The following TCF3 variants were observed in gnomAD, a reference collection of about 807,000 sequenced individuals.
TCF3 encodes transcription factor 3.
In TCF3, 54 loss-of-function variants were observed where a neutral mutation model predicts 72.3. That is an observed-to-expected ratio of 0.75 (90% CI 0.60 to 0.94). The LOEUF (loss-of-function observed/expected upper bound fraction) is 0.94. Among genes scored for constraint, TCF3 ranks in the 40% least tolerant of loss-of-function variants. The pLI, the probability that TCF3 is intolerant of heterozygous loss-of-function variation, is 0.00. For missense variants in TCF3, 1,078 were observed against 934.4 expected (o/e 1.15, Z -2.00); for synonymous variants, 525 against 412.6 (o/e 1.27, Z -3.30).
Position 1,621,974 on chromosome 19 carries a change from G to C in TCF3, c.823-4C>G, listed in dbSNP as rs2062283824. ...CTGCTCCATGCAGCTGGTAGCCCTG[G>C]GGGGTCAGGCAGGAGGAGGGTGGGT... is the stretch of plus-strand genomic sequence containing the variant. On this transcript the variant is annotated splice_region_variant and splice_polypyrimidine_tract_variant and intron_variant, in intron 10 of 18. Transcript: ENST00000262965. 1 of 1,604,612 alleles carries C rather than the reference G, an allele frequency of 6.2e-7. No homozygotes were observed. The highest frequency in any genetic ancestry group is 1.1e-5 in the South Asian group (1 of 89,724).
At chr19:1,629,882 G>A (rs1166702489) in intron 5 of TCF3, among the ~76,000 whole-genome samples, 2 of 152,180 alleles carry the variant, frequency 1.3e-5, no homozygotes, top group African/African-American at 4.8e-5. Context: ...TCATCTTGGT[G>A]ACCCGGGGGG....
At chr19:1,632,956 G>A (rs573571856) in intron 3 of TCF3, among the ~76,000 whole-genome samples, 20 of 152,348 alleles carry the variant, frequency 1.3e-4, no homozygotes, top group Non-Finnish European at 2.6e-4. Flanking sequence ...CTCACCCATC[G>A]GGCAGGAGGC....
chr19:1,647,045 A>G (rs2066222863), intron 2 of TCF3, among the ~76,000 whole-genome samples: 1 of 152,162 alleles, frequency 6.6e-6, no homozygotes, highest in Non-Finnish European at 1.5e-5. Flanking sequence ...CAGCAGGTCG[A>G]GGAAGACACG....
chr19:1,647,837 C>T (rs2066359102), intron 2 of TCF3, among the ~76,000 whole-genome samples: 1 of 152,230 alleles, frequency 6.6e-6, no homozygotes, highest in Admixed American at 6.5e-5. Context: ...CCCCCGCACC[C>T]CTTGGAGCAT....
chr19:1,633,423 C>A (rs531919043), intron 3 of TCF3, among the ~76,000 whole-genome samples: 5 of 152,152 alleles, frequency 3.3e-5, no homozygotes, highest in Admixed American at 2.6e-4. Context: ...TGTCTGTGAC[C>A]GGCACCACCT....
At chr19:1,646,560 C>A (rs993284507) in intron 2 of TCF3, 133 bp from the exon 3 acceptor site, 3 of 758,572 alleles carry the variant, frequency 4.0e-6, no homozygotes, top group Admixed American at 4.5e-5. Flanking sequence ...CTAGGCCCGG[C>A]CCGTCCTGCT....
chr19:1,613,983 G>A (rs909838456), intron 18 of TCF3, among the ~76,000 whole-genome samples: 5 of 152,256 alleles, frequency 3.3e-5, no homozygotes, highest in East Asian at 1.9e-4. Flanking sequence ...TGCTGCTGCC[G>A]CAGGGGTGCG....
rs148884369 is a variant in TCF3, at chr19:1,616,990, G to C, written c.1451-1169C>G. Among the ~76,000 whole-genome samples the C allele has an allele frequency of 5.1e-3, 780 of 152,284 alleles. 9 individuals carry two copies. The highest frequency in any genetic ancestry group is 0.017 in the African/African-American group (726 of 41,552). The stretch of plus-strand genomic sequence containing the variant: ...GAAAAATAAGCAAGGTATCCAAAAA[G>C]GCATCTCACAGACAAGGAAACCACA... On this transcript the variant is annotated intron_variant, in intron 16 of 18. Coordinates refer to ENST00000262965, the MANE Select transcript of TCF3 (RefSeq NM_003200.5).
At chr19:1,619,077 C>G in intron 16 of TCF3, 34 bp downstream of exon 16, 1 of 1,598,686 alleles carries the variant, frequency 6.3e-7, no homozygotes, top group African/African-American at 1.3e-5. Context: ...CAACTGGAAC[C>G]AGGAGTCGGA....
At chr19:1,649,966 G>A (rs868433763) in intron 2 of TCF3, among the ~76,000 whole-genome samples, 1 of 152,180 alleles carries the variant, frequency 6.6e-6, no homozygotes, top group Non-Finnish European at 1.5e-5. Context: ...AGAATGCTGC[G>A]TCCGGGCAAA....
At chr19:1,620,938 G>A (rs1246520345) in intron 13 of TCF3, 30 bp downstream of exon 13, 5 of 1,432,876 alleles carry the variant, frequency 3.5e-6, no homozygotes, top group Admixed American at 3.2e-5. Flanking sequence ...ACAGACCTCA[G>A]CCTCCCCTCC....
Position 1,646,443 on chromosome 19 carries a change from G to T in TCF3, c.73-16C>A. 6.5e-7 allele frequency: 1 copy of T among 1,549,430 alleles called. No individual in the cohort carries two copies. Among genetic ancestry groups the T allele is most frequent in the South Asian group, 1.2e-5 (1 of 84,012 alleles). On this transcript the variant is annotated splice_polypyrimidine_tract_variant and intron_variant, in intron 2 of 18. Transcript: ENST00000262965. ...GCGGGAACATCTGCAGGGAGGGGAG[G>T]GGAGACGTGAGCGGGGCGGGTGGCA...
rs768416726 is a variant in TCF3 at position 1,623,936 on chromosome 19, C to T, written c.549+15G>A. The T allele has an allele frequency of 8.7e-6, 14 of 1,613,018 alleles. No individual in the cohort carries two copies. The Admixed American group carries it at 1.7e-4, about 19-fold the overall frequency. On this transcript the variant is annotated intron_variant, in intron 8 of 18. Transcript: ENST00000262965. ...CTGACGAGCTGTGGGGTCCCTTCTC[C>T]CTCGTGCGACTCACCGAGGATGGAA...
intron 3 of TCF3, among the ~76,000 whole-genome samples, chr19:1,643,004 C>T (rs939083211): frequency 2.6e-5 from 4 of 152,130 alleles, no homozygotes; most frequent in East Asian, 1.9e-4. Context: ...TCCTTTGGTC[C>T]GTCAATAAGC....
At chr19:1,637,919 G>C (rs979201845) in intron 3 of TCF3, among the ~76,000 whole-genome samples, 3 of 151,740 alleles carry the variant, frequency 2.0e-5, no homozygotes, top group South Asian at 4.2e-4. Context: ...AAAAAAAAAA[G>C]AAAAAGAAAA....
chr19:1,628,535 T>G (rs1293778563), intron 5 of TCF3, among the ~76,000 whole-genome samples: 28 of 4,156 alleles, frequency 6.7e-3, no homozygotes, highest in Admixed American at 0.016. Flanking sequence ...CTCACGGGGG[T>G]GAGGCGGGAA....
intron 8 of TCF3, among the ~76,000 whole-genome samples, chr19:1,623,670 C>T (rs2062532473): frequency 6.6e-6 from 1 of 152,174 alleles, no homozygotes; most frequent in East Asian, 1.9e-4. Context: ...AGGCATGAGC[C>T]ACCACACCCA....
At chr19:1,635,411 C>G (rs2064259185) in intron 3 of TCF3, among the ~76,000 whole-genome samples, 1 of 152,038 alleles carries the variant, frequency 6.6e-6, no homozygotes, top group African/African-American at 2.4e-5. Flanking sequence ...TCTACCCTCT[C>G]TCATGGCTCC....
chr19:1,615,549 G>A lies in TCF3; in HGVS notation c.1587-29C>T. 5 of 1,604,854 alleles carry A rather than the reference G, an allele frequency of 3.1e-6. No homozygotes were observed. Among genetic ancestry groups the A allele is most frequent in the Non-Finnish European group, 4.2e-6 (5 of 1,179,634 alleles). ...TGGGGAGGGCGCCGGGAGGGGGCCA[G>A]AGGGAGACAGTGAGGTTGGGGGAAG... On this transcript the variant is annotated intron_variant, in intron 17 of 18. Transcript: ENST00000262965. The surrounding 1 kb of genome is among the most constrained non-coding windows in gnomAD (Gnocchi z 7.3).
Sources: allele counts gnomAD v4.1 joint callset (sites outside exome capture counted in the v4.1 genomes callset), GRCh38; gene constraint gnomAD v4.1.1; non-coding constraint Gnocchi (gnomAD v3.1); transcripts MANE v1.5; gene names NCBI Gene and HGNC (gene_info 2026-07-23, HGNC 2026-07-21).